MARK3: variants seen among roughly 807,000 people sequenced by gnomAD.
The protein encoded by MARK3 is microtubule affinity regulating kinase 3, also known as MAP/microtubule affinity-regulating kinase 3.
In MARK3, 46 loss-of-function variants were observed where a neutral mutation model predicts 90.1. That is an observed-to-expected ratio of 0.51 (90% CI 0.40 to 0.65). The LOEUF is 0.65. Among genes scored for constraint, MARK3 ranks in the 30% least tolerant of loss-of-function variants. The pLI is 0.00. For missense variants in MARK3, 818 were observed against 947.2 expected, an observed-to-expected ratio of 0.86 and a Z score of 1.79; for synonymous variants, 321 against 332.6, an observed-to-expected ratio of 0.97 and a Z score of 0.38.
In MARK3 at chr14:103,411,032, T is replaced by C. The variant is rs573799708; in HGVS notation, c.243+5765T>C. Among the ~76,000 whole-genome samples, 6 of 152,318 alleles carry C rather than the reference T, an allele frequency of 3.9e-5. No individual in the cohort carries two copies. In the South Asian group the frequency reaches 1.2e-3, roughly 32 times the overall value. On this transcript the variant is annotated intron_variant, in intron 2 of 17. Transcript: ENST00000429436. ...GCTCACGCCTGTAATCCCAGCACTT[T>C]GGGAGGCCGAGGTGGGTGGATCACG...
At chr14:103,429,509 A>AT (rs1361641552) in intron 3 of MARK3, 11 of 152,192 alleles carry the variant, frequency 7.2e-5, no homozygotes, top group African/African-American at 2.7e-4. Context: ...ATATCCTGGT[A>AT]ATTTTGAAGC....
At chr14:103,463,091 C>G (rs905241159) in intron 7 of MARK3, among the ~76,000 whole-genome samples, 1 of 151,872 alleles carries the variant, frequency 6.6e-6, no homozygotes, top group African/African-American at 2.4e-5. Context: ...TTTATTCACT[C>G]TCCTTCTCTA....
intron 2 of MARK3, among the ~76,000 whole-genome samples, chr14:103,426,071 A>G (rs755953505): frequency 1.3e-4 from 20 of 152,222 alleles, no homozygotes; most frequent in Non-Finnish European, 1.3e-4. Flanking sequence ...TGCCGAGTCA[A>G]AACTATTTTT....
At chr14:103,394,185 T>C (rs1486717734) in intron 1 of MARK3, among the ~76,000 whole-genome samples, 1 of 152,200 alleles carries the variant, frequency 6.6e-6, no homozygotes, top group Non-Finnish European at 1.5e-5. Context: ...TACCCTCTGA[T>C]CACCACTGGG....
intron 1 of MARK3, among the ~76,000 whole-genome samples, chr14:103,393,420 G>A (rs1421141394): frequency 2.0e-5 from 3 of 152,058 alleles, no homozygotes; most frequent in East Asian, 1.9e-4. Flanking sequence ...AGGAGTTCCA[G>A]TCGACCTGGA....
intron 2 of MARK3, among the ~76,000 whole-genome samples, chr14:103,413,408 A>G (rs1225191746): frequency 6.8e-6 from 1 of 146,920 alleles, no homozygotes; most frequent in Non-Finnish European, 1.5e-5. Context: ...AATTAAGTTT[A>G]TATTGTTTTT....
intron 3 of MARK3, among the ~76,000 whole-genome samples, chr14:103,436,261 C>T (rs1285141136): frequency 6.6e-6 from 1 of 152,188 alleles, no homozygotes; most frequent in Non-Finnish European, 1.5e-5. Context: ...CTGCCACTGC[C>T]ACTGCTGAAT....
chr14:103,433,061 T>A (rs1294444903), intron 3 of MARK3, among the ~76,000 whole-genome samples: 1 of 150,048 alleles, frequency 6.7e-6, no homozygotes, highest in Non-Finnish European at 1.5e-5. Context: ...ATTGTGCCAA[T>A]TGAAGTTTTT....
At chr14:103,400,495 G>T (rs1015362827) in intron 1 of MARK3, among the ~76,000 whole-genome samples, 2 of 152,266 alleles carry the variant, frequency 1.3e-5, no homozygotes, top group African/African-American at 4.8e-5. Context: ...GGATGAAGTG[G>T]TACCAGCTTA....
intron 2 of MARK3, among the ~76,000 whole-genome samples, chr14:103,414,294 C>G (rs2091836594): frequency 6.6e-6 from 1 of 151,956 alleles, no homozygotes; most frequent in Non-Finnish European, 1.5e-5. Flanking sequence ...CAACCTCCAC[C>G]TCCCAGGTTC....
intron 1 of MARK3, among the ~76,000 whole-genome samples, chr14:103,387,124 T>C (rs1341643034): frequency 3.5e-4 from 53 of 152,252 alleles, no homozygotes; most frequent in Non-Finnish European, 4.4e-5. Context: ...ATGTCTTCTC[T>C]TAGGGAATGC....
rs549510799 is a variant in MARK3, at chr14:103,483,890, G to A, written c.1586+3400G>A. Among the ~76,000 whole-genome samples, 3 of 152,292 alleles carry A rather than the reference G, an allele frequency of 2.0e-5. No individual in the cohort carries two copies. The South Asian group carries it at 6.2e-4, about 32-fold the overall frequency. On this transcript the variant is annotated intron_variant, in intron 14 of 17. Coordinates refer to ENST00000429436, the MANE Select transcript of MARK3 (RefSeq NM_001128918.3). Reference sequence around the variant, plus strand: ...TTTGCAGTGAGTCTTAAACCACATAGCACTGACACGTAGTGAGTGCTCAAA... The same window carrying A: ...TTTGCAGTGAGTCTTAAACCACATAACACTGACACGTAGTGAGTGCTCAAA...
chr14:103,401,447 T>TA (rs1468429327), intron 1 of MARK3, among the ~76,000 whole-genome samples: 4 of 152,172 alleles, frequency 2.6e-5, no homozygotes, highest in Non-Finnish European at 5.9e-5. Flanking sequence ...TTTAACACAA[T>TA]AAAAAACTTC....
chr14:103,433,634 G>A (rs930355742), intron 3 of MARK3, among the ~76,000 whole-genome samples: 3 of 151,748 alleles, frequency 2.0e-5, no homozygotes, highest in Non-Finnish European at 2.9e-5. Flanking sequence ...GCAGTGAGCC[G>A]AGATCACACC....
chr14:103,388,011 A>G (rs1181770938), intron 1 of MARK3, among the ~76,000 whole-genome samples: 1 of 152,064 alleles, frequency 6.6e-6, no homozygotes, highest in Non-Finnish European at 1.5e-5. Context: ...GGCTCACTGC[A>G]ACCTCCGCCT....
At chr14:103,496,932 C>G (rs2075378972) in intron 15 of MARK3, among the ~76,000 whole-genome samples, 1 of 151,970 alleles carries the variant, frequency 6.6e-6, no homozygotes, top group Non-Finnish European at 1.5e-5. Context: ...GTCCCAGCTA[C>G]TTGAGAGGCT....
intron 15 of MARK3, among the ~76,000 whole-genome samples, chr14:103,498,209 A>T (rs200950798): frequency 4.6e-5 from 1 of 21,884 alleles, no homozygotes; most frequent in Non-Finnish European, 2.1e-4. Flanking sequence ...CTCTGTCTTT[A>T]AAAAAAAAAA....
intron 14 of MARK3, among the ~76,000 whole-genome samples, chr14:103,481,724 A>G (rs2093822467): frequency 7.0e-6 from 1 of 142,024 alleles, no homozygotes; most frequent in Admixed American, 7.1e-5. Context: ...GCTGGGGTAG[A>G]TAGTTTACAG....
At chr14:103,466,562 T>A in intron 10 of MARK3, 120 bp downstream of exon 10, 1 of 643,660 alleles carries the variant, frequency 1.6e-6, no homozygotes, top group Non-Finnish European at 2.7e-6. Context: ...ATATGAACAG[T>A]TTATCTGTTC....
Sources: gnomAD v4.1 joint callset for allele counts (sites outside exome capture counted in the v4.1 genomes callset) on GRCh38, gnomAD v4.1.1 for gene constraint, MANE v1.5 for transcripts, NCBI Gene and HGNC (gene_info 2026-07-23, HGNC 2026-07-21) for gene names.